The following UCK2 variants were observed in gnomAD, a reference collection of about 807,000 sequenced individuals.
The protein encoded by UCK2 is cytidine monophosphokinase 2.
UCK2 carries 6 observed loss-of-function variants against 30.8 expected under a neutral mutation model. The observed-to-expected ratio is 0.19, with a 90% CI of 0.11 to 0.38. UCK2 has a LOEUF of 0.38. Among genes scored for constraint, UCK2 ranks in the 10% least tolerant of loss-of-function variants. The pLI is 1.00. For synonymous variants in UCK2, 125 were observed against 133.6 expected, an observed-to-expected ratio of 0.94 and a Z score of 0.45; for missense variants, 210 against 339.8, an observed-to-expected ratio of 0.62 and a Z score of 3.00.
At chr1:165,829,013 T>C (rs1248993802) in intron 1 of UCK2, among the ~76,000 whole-genome samples, 1 of 152,036 alleles carries the variant, frequency 6.6e-6, no homozygotes, top group African/African-American at 2.4e-5. Context: ...GTTGGCGCCA[T>C]GAGGAAAGAG....
chr1:165,841,640 G>A (rs1171839640), intron 1 of UCK2, among the ~76,000 whole-genome samples: 1 of 152,200 alleles, frequency 6.6e-6, no homozygotes, highest in Non-Finnish European at 1.5e-5. Flanking sequence ...CTTGTGAGGT[G>A]CTGGGAACAC....
rs1210349875 is a variant in UCK2 at position 165,896,416 on chromosome 1, G to A, written c.499+84G>A. On this transcript the variant is annotated intron_variant, in intron 4 of 6. Transcript: ENST00000367879. ...GGGAGCCTGTGACAGGACCCCACCC[G>A]CCTGAGTCTGAAGCCCATGCCTTCC... The A allele has an allele frequency of 2.4e-5, 36 of 1,521,708 alleles. No homozygotes were observed. The South Asian group carries it at 3.3e-4, about 14-fold the overall frequency. The allele number at this position is 1,521,708 out of a possible 1,614,324, so 94.3% of individuals were successfully genotyped here.
chr1:165,882,110 A>G (rs1372826430), intron 1 of UCK2, among the ~76,000 whole-genome samples: 3 of 152,200 alleles, frequency 2.0e-5, no homozygotes, highest in Non-Finnish European at 4.4e-5. Flanking sequence ...CTGTGGCACA[A>G]ACAGGTGCCG....
At chr1:165,856,714 C>T (rs1270669243) in intron 1 of UCK2, among the ~76,000 whole-genome samples, 1 of 152,060 alleles carries the variant, frequency 6.6e-6, no homozygotes, top group African/African-American at 2.4e-5. Context: ...TAATTGTTCA[C>T]CTTCCTAAGT....
intron 1 of UCK2, among the ~76,000 whole-genome samples, chr1:165,864,866 T>C (rs1479450945): frequency 6.6e-6 from 1 of 152,052 alleles, no homozygotes; most frequent in African/African-American, 2.4e-5. Context: ...TTTCTACTTT[T>C]TGTAGAGATG....
chr1:165,871,931 GAAAT>G (rs1655205060), intron 1 of UCK2, among the ~76,000 whole-genome samples: 1 of 151,400 alleles, frequency 6.6e-6, no homozygotes, highest in Non-Finnish European at 1.5e-5. Context: ...AAATCAATAA[GAAAT>G]AAAAGACCAA....
At chr1:165,895,961 G>A in intron 3 of UCK2, 1 of 490,906 alleles carries the variant, frequency 2.0e-6, no homozygotes, top group Non-Finnish European at 3.6e-6. Flanking sequence ...CATGGTGAAA[G>A]CTCAGAAGTG....
chr1:165,869,109 A>G (rs995101556), intron 1 of UCK2, among the ~76,000 whole-genome samples: 8 of 152,230 alleles, frequency 5.3e-5, no homozygotes, highest in Admixed American at 5.2e-4. Context: ...CATGTACATT[A>G]ATGGATTCAA....
intron 1 of UCK2, among the ~76,000 whole-genome samples, chr1:165,836,637 C>T (rs368576903): frequency 1.3e-5 from 2 of 152,084 alleles, no homozygotes; most frequent in Non-Finnish European, 2.9e-5. Flanking sequence ...AGTATCAGCT[C>T]GAGTATTTTA....
At chr1:165,881,838 G>A (rs1237531275) in intron 1 of UCK2, among the ~76,000 whole-genome samples, 3 of 152,194 alleles carry the variant, frequency 2.0e-5, no homozygotes, top group Non-Finnish European at 4.4e-5. Flanking sequence ...GTCTTTTCTA[G>A]TAATAGAGCT....
intron 5 of UCK2, 61 bp downstream of exon 5, chr1:165,903,340 C>T (rs184782672): frequency 9.5e-5 from 141 of 1,481,240 alleles, no homozygotes; most frequent in Admixed American, 7.5e-4. Flanking sequence ...ATGATATAAA[C>T]GAAGGTGTGC....
chr1:165,905,655 CCTT>C (rs559126198), intron 5 of UCK2, among the ~76,000 whole-genome samples: 27 of 152,312 alleles, frequency 1.8e-4, no homozygotes, highest in Non-Finnish European at 3.7e-4. Context: ...AGTCTTCAAT[CCTT>C]CTTTCTCATT....
chr1:165,887,323 G>A (rs1214450377), intron 1 of UCK2, among the ~76,000 whole-genome samples: 1 of 152,134 alleles, frequency 6.6e-6, no homozygotes, highest in Admixed American at 6.5e-5. Context: ...GGGTTGGGAT[G>A]AGCGCTGATT....
At chr1:165,851,488 C>A (rs1396722958) in intron 1 of UCK2, among the ~76,000 whole-genome samples, 2 of 152,094 alleles carry the variant, frequency 1.3e-5, no homozygotes, top group Admixed American at 1.3e-4. Context: ...CTCCTTATAG[C>A]CTGATGAGAA....
intron 1 of UCK2, among the ~76,000 whole-genome samples, chr1:165,846,615 TA>T (rs1215802808): frequency 1.6e-4 from 24 of 152,148 alleles, no homozygotes; most frequent in Non-Finnish European, 3.2e-4. Context: ...AAACCACATG[TA>T]GAATTTAGTT....
intron 5 of UCK2, 142 bp from the exon 6 acceptor site, chr1:165,905,779 A>G (rs1647639213): frequency 1.7e-6 from 1 of 582,350 alleles, no homozygotes; most frequent in Admixed American, 2.8e-5. Flanking sequence ...AGTTGTAAAC[A>G]ATATTATATT....
intron 4 of UCK2, among the ~76,000 whole-genome samples, chr1:165,898,797 C>A (rs1406644918): frequency 6.6e-6 from 1 of 152,200 alleles, no homozygotes; most frequent in East Asian, 1.9e-4. Context: ...ATGGTGCTGG[C>A]CCTCTGGGGG....
At chr1:165,847,080 A>G (rs985209566) in intron 1 of UCK2, among the ~76,000 whole-genome samples, 7 of 152,064 alleles carry the variant, frequency 4.6e-5, no homozygotes, top group African/African-American at 1.7e-4. Context: ...GTGCTTGTAT[A>G]TTGTTAAAAA....
chr1:165,829,070 C>CAT (rs1653973515), intron 1 of UCK2, among the ~76,000 whole-genome samples: 1 of 152,120 alleles, frequency 6.6e-6, no homozygotes, highest in Non-Finnish European at 1.5e-5. Context: ...GCCCCTCCTC[C>CAT]ATGTTGGTTT....
Sources: gnomAD v4.1 joint callset for allele counts (sites outside exome capture counted in the v4.1 genomes callset) on GRCh38, gnomAD v4.1.1 for gene constraint, MANE v1.5 for transcripts, NCBI Gene and HGNC (gene_info 2026-07-23, HGNC 2026-07-21) for gene names.